The following NPFFR1 variants were observed in gnomAD, a reference collection of about 807,000 sequenced individuals.
NPFFR1 encodes the protein G-protein coupled receptor 147.
NPFFR1 carries 17 observed loss-of-function variants against 12.7 expected under a neutral mutation model. The observed-to-expected ratio is 1.34, with a 90% CI of 0.92 to 2.01. The LOEUF (loss-of-function observed/expected upper bound fraction) is 2.01, where lower values mean the gene tolerates loss of function less well. Ranked by LOEUF, NPFFR1 falls within the 30% of genes most tolerant of loss-of-function variation. The probability of loss-of-function intolerance (pLI) is 0.00; values close to 1 mark genes in which losing one functional copy is unlikely to be tolerated. For synonymous variants in NPFFR1, 296 were observed against 264.5 expected (o/e 1.12, Z -1.16); for missense variants, 604 against 606.5 (o/e 1.00, Z 0.04).
intron 1 of NPFFR1, among the ~76,000 whole-genome samples, chr10:70,278,125 G>A (rs1203425143): frequency 6.6e-6 from 1 of 152,180 alleles, no homozygotes; most frequent in Non-Finnish European, 1.5e-5. Flanking sequence ...CTGAGGTTGA[G>A]TTGAGTTGTC....
Position 70,254,968 on chromosome 10 carries a change from AG to A in NPFFR1, c.1281del (p.Trp428GlyfsTer32). The stretch of plus-strand genomic sequence containing the variant: ...CTCCCTGGACCCCCTCAGATATCCC[AG>A]GCTGGAATGGTGAGGGGCAGGTGGG... ...GCSHLPLTIP[A>X]WDI On this transcript the variant is annotated frameshift_variant, in exon 4 of 4. Coordinates refer to ENST00000277942, the MANE Select transcript of NPFFR1 (RefSeq NM_022146.5). LOFTEE classifies it high-confidence loss of function. The A allele has an allele frequency of 7.0e-7, 1 of 1,428,876 alleles. No individual in the cohort carries two copies. The highest frequency in any genetic ancestry group is 9.1e-7 in the Non-Finnish European group (1 of 1,098,032). 88.5% of individuals were successfully genotyped at this position (1,428,876 alleles called of 1,614,324 possible).
intron 1 of NPFFR1, among the ~76,000 whole-genome samples, chr10:70,281,131 C>T (rs1002918155): frequency 4.6e-5 from 7 of 152,172 alleles, no homozygotes; most frequent in African/African-American, 1.7e-4. Flanking sequence ...CCCATTGGCC[C>T]AAAGATTTCA....
intron 1 of NPFFR1, among the ~76,000 whole-genome samples, chr10:70,268,718 G>A (rs1458356891): frequency 1.1e-5 from 1 of 88,306 alleles, no homozygotes; most frequent in Admixed American, 1.4e-4. Flanking sequence ...GGTTCCAAGA[G>A]AGCAAGAAAA....
rs61746113 is a variant in NPFFR1, at chr10:70,255,663, C to A, written c.587G>T (p.Arg196Leu). The change falls in exon 4 of 4, where the codon CGC becomes CTC. Residue 196 changes from arginine to leucine, a missense_variant. By Grantham distance (102) the Arg-to-Leu change is moderately radical. Coordinates refer to ENST00000277942, the MANE Select transcript of NPFFR1 (RefSeq NM_022146.5). This position sits in a 1 kb window ranked among gnomAD's most constrained non-coding sequence, Gnocchi z 4.2. ...CCAGCAGGAGTAGAGCGGGTAGGAG[C>A]GGTTGCGGGCGTCCACCATGAAGTG... ...EHHFMVDARN[R>L]SYPLYSCWEA... 2,962 of 1,598,312 alleles carry A rather than the reference C, an allele frequency of 1.9e-3. 41 individuals are homozygous for A. In the African/African-American group the frequency reaches 0.03, roughly 16 times the overall value.
Position 70,266,100 on chromosome 10 carries a change from G to T in NPFFR1, c.299C>A (p.Thr100Asn). 6.2e-7 allele frequency: 1 copy of T among 1,613,986 alleles called. No individual in the cohort carries two copies. The highest frequency in any genetic ancestry group is 8.5e-7 in the Non-Finnish European group (1 of 1,179,876). Residue 100 changes from threonine to asparagine, a missense_variant, in exon 2 of 4, where the codon ACC (threonine) becomes AAC (asparagine). Physicochemically the swap from Thr to Asn is moderately conservative, Grantham distance 65 (BLOSUM62 0). Coordinates refer to ENST00000277942, the MANE Select transcript of NPFFR1 (RefSeq NM_022146.5). ...LLVGIFCMPT[T>N]LVDNLITGWP... ...ACCAGTGATGAGGTTGTCCACAAGG[G>T]TGGTGGGCATGCAGAAGATGCCCAC...
rs1328944912 is a variant in NPFFR1 at position 70,260,702 on chromosome 10, G to A, written c.360C>T (p.Gly120=). 1 of 1,609,880 alleles carries A rather than the reference G, an allele frequency of 6.2e-7. No homozygotes were observed. The highest frequency in any genetic ancestry group is 1.3e-5 in the African/African-American group (1 of 74,946). The change falls in exon 3 of 4, where the codon GGC becomes GGT. Residue 120 remains glycine, a synonymous_variant. Coordinates refer to ENST00000277942, the MANE Select transcript of NPFFR1 (RefSeq NM_022146.5). ...PFDNATCKMS[G]LVQGMSVSAS... ...CCGACACAGACATGCCCTGCACCAA[G>A]CCGCTCATCTTGCATGTGGCATTGT...
At chr10:70,263,636 G>A (rs1350867572) in intron 2 of NPFFR1, among the ~76,000 whole-genome samples, 3 of 152,116 alleles carry the variant, frequency 2.0e-5, no homozygotes, top group Admixed American at 6.5e-5. Context: ...GGCTGCCTAT[G>A]GGTCAGAGAA....
chr10:70,277,843 G>A (rs949245034), intron 1 of NPFFR1: 10 of 468,286 alleles, frequency 2.1e-5, no homozygotes, highest in African/African-American at 1.6e-4. Context: ...TTAAGGCCCA[G>A]AGGGGAAGGC....
intron 1 of NPFFR1, among the ~76,000 whole-genome samples, chr10:70,268,267 A>G (rs1379184437): frequency 6.6e-6 from 1 of 152,242 alleles, no homozygotes; most frequent in Non-Finnish European, 1.5e-5. Flanking sequence ...AAGGACTCAA[A>G]AAAACAACAT....
rs777664372 is a variant in NPFFR1, at chr10:70,266,095, C to T, written c.304G>A (p.Val102Met). The change falls in exon 2 of 4, where the codon GTG becomes ATG. Residue 102 changes from valine (V) to methionine (M), a missense_variant. Val to Met is a conservative substitution (Grantham distance 21). Transcript: ENST00000277942. ...VGIFCMPTTL[V>M]DNLITGWPFD... is the part of the protein sequence containing the mutation. ...CACTCACCAGTGATGAGGTTGTCCA[C>T]AAGGGTGGTGGGCATGCAGAAGATG... 2.5e-6 allele frequency: 4 copies of T among 1,613,790 alleles called. No homozygotes were observed. Among genetic ancestry groups the T allele is most frequent in the Admixed American group, 3.3e-5 (2 of 59,998 alleles).
chr10:70,252,399 T>C lies in NPFFR1; in HGVS notation c.*2558A>G, dbSNP rs986362476. The C allele has an allele frequency of 2.0e-5, 3 of 152,236 alleles. No individual in the cohort carries two copies. The highest frequency in any genetic ancestry group is 4.4e-5 in the Non-Finnish European group (3 of 68,050). The allele number at this position is 152,236 out of a possible 1,614,324, so 9.4% of individuals were successfully genotyped here. On this transcript the variant is annotated 3_prime_UTR_variant, in exon 4 of 4. Transcript: ENST00000277942. ...GGAGAGGGGATGCGGTGATATTGTT[T>C]ATAGATACAGAGTTGCAGTTTGGGA...
rs1004538513 is a variant in NPFFR1 at position 70,250,883 on chromosome 10, C to T, written c.*4074G>A. 6.6e-6 allele frequency: 1 copy of T among 152,074 alleles called. No individual in the cohort carries two copies. The highest frequency in any genetic ancestry group is 2.4e-5 in the African/African-American group (1 of 41,408). The allele number at this position is 152,074 out of a possible 1,614,324, so 9.4% of individuals were successfully genotyped here. ...AAGTTCTGCCTCAATAAAGCTGTTC[C>T]AAGAATGTTAAATATATTGAGAGAT... On this transcript the variant is annotated 3_prime_UTR_variant, in exon 4 of 4. Transcript: ENST00000277942.
rs1424985494 is a variant in NPFFR1 at position 70,255,199 on chromosome 10, G to A, written c.1051C>T (p.Arg351Cys). 4 of 1,544,970 alleles carry A rather than the reference G, an allele frequency of 2.6e-6. No homozygotes were observed. In the Admixed American group the frequency reaches 5.9e-5, roughly 23 times the overall value. Residue 351 changes from arginine (R) to cysteine (C), a missense_variant, in exon 4 of 4, where the codon CGC becomes TGC. Physicochemically the swap from Arg to Cys is radical, Grantham distance 180. Coordinates refer to ENST00000277942, the MANE Select transcript of NPFFR1 (RefSeq NM_022146.5). This position sits in a 1 kb window ranked among gnomAD's most constrained non-coding sequence, Gnocchi z 4.2. ...GCCTCCTTGTGGCTCCCCGACGGGCGCGGGCAGAGGCGGGCGCGGAAGGCG... is the reference window on the plus strand; with the variant it reads ...GCCTCCTTGTGGCTCCCCGACGGGCACGGGCAGAGGCGGGCGCGGAAGGCG... ...QAAFRARLCP[R>C]PSGSHKEAYS...
At chr10:70,259,061 T>C (rs1473951092) in intron 3 of NPFFR1, among the ~76,000 whole-genome samples, 1 of 151,690 alleles carries the variant, frequency 6.6e-6, no homozygotes, top group East Asian at 1.9e-4. Context: ...CTGAGGAGGG[T>C]GGATCACTTG....
intron 1 of NPFFR1, among the ~76,000 whole-genome samples, chr10:70,275,680 C>G (rs976545252): frequency 6.6e-6 from 1 of 152,020 alleles, no homozygotes; most frequent in Non-Finnish European, 1.5e-5. Flanking sequence ...GGCACAGGGC[C>G]TAGAACATAA....
intron 1 of NPFFR1, among the ~76,000 whole-genome samples, chr10:70,279,402 C>T (rs1369819655): frequency 6.6e-6 from 1 of 152,094 alleles, no homozygotes; most frequent in African/African-American, 2.4e-5. Flanking sequence ...CTGCCTCAGC[C>T]TCCCAAAGTG....
At chr10:70,260,166 C>A (rs1040261821) in intron 3 of NPFFR1, among the ~76,000 whole-genome samples, 1 of 152,178 alleles carries the variant, frequency 6.6e-6, no homozygotes, top group African/African-American at 2.4e-5. Context: ...AGACGAGAAG[C>A]GGTGAACGTG....
intron 1 of NPFFR1, among the ~76,000 whole-genome samples, chr10:70,278,415 A>G (rs1840826389): frequency 6.6e-6 from 1 of 151,346 alleles, no homozygotes; most frequent in Non-Finnish European, 1.5e-5. Context: ...TTTCACTTAC[A>G]TGTACCTTTC....
intron 1 of NPFFR1, among the ~76,000 whole-genome samples, chr10:70,268,993 C>G: frequency 6.6e-6 from 1 of 152,208 alleles, no homozygotes; most frequent in East Asian, 1.9e-4. Context: ...TTTTAGTTCA[C>G]AGGTCCCCAG....
Sources: gnomAD v4.1 joint callset for allele counts (sites outside exome capture counted in the v4.1 genomes callset) on GRCh38, gnomAD v4.1.1 for gene constraint, Gnocchi (gnomAD v3.1) non-coding constraint, MANE v1.5 for transcripts, NCBI Gene and HGNC (gene_info 2026-07-23, HGNC 2026-07-21) for gene names.